WDR70: variants seen among roughly 807,000 people sequenced by gnomAD.
WDR70 encodes WD repeat-containing protein 70.
In WDR70, 53 loss-of-function variants were observed where a neutral mutation model predicts 88.6. The ratio of observed to expected loss-of-function variants is 0.60; its 90% CI spans 0.48 to 0.75. The LOEUF (loss-of-function observed/expected upper bound fraction) is 0.75, where lower values mean the gene tolerates loss of function less well. Ranked by LOEUF, WDR70 falls within the 30% of genes least tolerant of loss-of-function variation. The pLI is 0.00. For synonymous variants in WDR70, 280 were observed against 270.0 expected (o/e 1.04, Z -0.36); for missense variants, 610 against 823.2 (o/e 0.74, Z 3.17).
intron 3 of WDR70, among the ~76,000 whole-genome samples, chr5:37,384,257 C>T (rs1748533093): frequency 6.7e-6 from 1 of 148,460 alleles, no homozygotes; most frequent in Admixed American, 6.8e-5. Context: ...CCTTGCCTCA[C>T]TGCAGACTCC....
intron 13 of WDR70, among the ~76,000 whole-genome samples, chr5:37,717,037 A>G (rs1174661891): frequency 6.6e-6 from 1 of 152,050 alleles, no homozygotes; most frequent in African/African-American, 2.4e-5. Context: ...AGTCATGCTT[A>G]TGGTCTCCTA....
At chr5:37,390,792 C>T (rs1458731664) in intron 3 of WDR70, among the ~76,000 whole-genome samples, 1 of 150,332 alleles carries the variant, frequency 6.7e-6, no homozygotes, top group African/African-American at 2.5e-5. Context: ...TCTTGGCTCA[C>T]CACAACCTCC....
chr5:37,616,181 A>G (rs141363460), intron 10 of WDR70, among the ~76,000 whole-genome samples: 6 of 152,078 alleles, frequency 3.9e-5, no homozygotes, highest in African/African-American at 1.4e-4. Context: ...CAGTGGTGCA[A>G]TCTTGGCTTA....
intron 8 of WDR70, among the ~76,000 whole-genome samples, chr5:37,485,283 G>A (rs925899101): frequency 6.6e-6 from 1 of 152,114 alleles, no homozygotes; most frequent in Non-Finnish European, 1.5e-5. Flanking sequence ...TTGTATTTGT[G>A]AACTCACCTA....
At chr5:37,444,199 TTAATTCTGAGAAA>T (rs1261045270) in intron 7 of WDR70, among the ~76,000 whole-genome samples, 4 of 151,858 alleles carry the variant, frequency 2.6e-5, no homozygotes, top group African/African-American at 9.7e-5. Flanking sequence ...AACATTCCAA[TTAATTCTGAGAAA>T]TGAGAAATTA....
At chr5:37,476,886 G>C (rs1489160934) in intron 7 of WDR70, among the ~76,000 whole-genome samples, 1 of 152,168 alleles carries the variant, frequency 6.6e-6, no homozygotes, top group East Asian at 1.9e-4. Flanking sequence ...ACATAGGCTG[G>C]AGTGTAGTGA....
chr5:37,444,477 T>C (rs1256790333), intron 7 of WDR70, among the ~76,000 whole-genome samples: 1 of 151,424 alleles, frequency 6.6e-6, no homozygotes, highest in Non-Finnish European at 1.5e-5. Context: ...TAGCTGGGAC[T>C]ATATGGGTGT....
At chr5:37,736,611 T>C (rs1396046775) in intron 17 of WDR70, among the ~76,000 whole-genome samples, 1 of 106,336 alleles carries the variant, frequency 9.4e-6, no homozygotes, top group Admixed American at 1.2e-4. Context: ...GCGGTGTATG[T>C]AGTTTTTTTT....
At chr5:37,690,910 A>G (rs1216082301) in intron 10 of WDR70, among the ~76,000 whole-genome samples, 5 of 152,238 alleles carry the variant, frequency 3.3e-5, no homozygotes, top group African/African-American at 1.2e-4. Flanking sequence ...AAATGCCCCA[A>G]TTAAAAGACA....
intron 5 of WDR70, among the ~76,000 whole-genome samples, chr5:37,427,321 G>A (rs1342593201): frequency 2.6e-5 from 4 of 151,854 alleles, no homozygotes; most frequent in African/African-American, 4.8e-5. Flanking sequence ...CCCGGGAGGC[G>A]GAGCTTGCAC....
intron 13 of WDR70, among the ~76,000 whole-genome samples, chr5:37,715,437 A>G (rs1002937895): frequency 6.6e-6 from 1 of 152,050 alleles, no homozygotes; most frequent in African/African-American, 2.4e-5. Context: ...GGAGAGGCAT[A>G]TGCTCACTTA....
At chr5:37,616,526 A>G (rs991051796) in intron 10 of WDR70, among the ~76,000 whole-genome samples, 1 of 152,114 alleles carries the variant, frequency 6.6e-6, no homozygotes, top group Non-Finnish European at 1.5e-5. Flanking sequence ...TGCCTCTCCC[A>G]CAAGCCCCCC....
intron 10 of WDR70, among the ~76,000 whole-genome samples, chr5:37,677,924 G>A (rs1268517620): frequency 3.3e-5 from 5 of 152,068 alleles, no homozygotes; most frequent in Admixed American, 3.3e-4. Context: ...TCCTGTATTG[G>A]GTGCATATAT....
chr5:37,386,410 C>CATGCAA (rs1748618433), intron 3 of WDR70, among the ~76,000 whole-genome samples: 1 of 152,054 alleles, frequency 6.6e-6, no homozygotes. Context: ...TCACTGCAAC[C>CATGCAA]TCTGCCTCCT....
At chr5:37,524,577 C>T (rs1019996421) in intron 9 of WDR70, among the ~76,000 whole-genome samples, 21 of 152,086 alleles carry the variant, frequency 1.4e-4, no homozygotes, top group Admixed American at 4.6e-4. Flanking sequence ...CATCAACTAA[C>T]GAGCAAAATA....
At chr5:37,736,359 T>C (rs1025100703) in intron 17 of WDR70, among the ~76,000 whole-genome samples, 1 of 152,210 alleles carries the variant, frequency 6.6e-6, no homozygotes, top group African/African-American at 2.4e-5. Flanking sequence ...TGTTAAAATA[T>C]CATTCCCACC....
At chr5:37,612,003 C>G (rs1048959363) in intron 10 of WDR70, among the ~76,000 whole-genome samples, 1 of 152,048 alleles carries the variant, frequency 6.6e-6, no homozygotes, top group Non-Finnish European at 1.5e-5. Context: ...GGTGTCTTCT[C>G]CTTTCTTTCT....
intron 5 of WDR70, among the ~76,000 whole-genome samples, chr5:37,436,080 A>G (rs1750459270): frequency 6.6e-6 from 1 of 152,146 alleles, no homozygotes; most frequent in African/African-American, 2.4e-5. Flanking sequence ...CATTTAACCC[A>G]GTGTTTGAAA....
intron 17 of WDR70, among the ~76,000 whole-genome samples, chr5:37,727,629 A>G (rs7725297): frequency 0.081 from 12,281 of 152,136 alleles, 1,594 homozygotes; most frequent in African/African-American, 0.27. Context: ...ATGCTGGAGT[A>G]CAGTGGCATG....
Sources: allele counts gnomAD v4.1 joint callset (sites outside exome capture counted in the v4.1 genomes callset), GRCh38; gene constraint gnomAD v4.1.1; transcripts MANE v1.5; gene names NCBI Gene and HGNC (gene_info 2026-07-23, HGNC 2026-07-21).